Variants in ROR2 observed in about 807,000 individuals in gnomAD.
ROR2 encodes tyrosine-protein kinase transmembrane receptor ROR2.
In ROR2, 33 loss-of-function variants were observed where a neutral mutation model predicts 74.9. The observed-to-expected ratio is 0.44, with a 90% CI of 0.33 to 0.59. The LOEUF is 0.59. ROR2 is among the 20% of genes least tolerant of loss of function. The probability of loss-of-function intolerance (pLI) is 0.02; values close to 1 mark genes in which losing one functional copy is unlikely to be tolerated. For synonymous variants in ROR2, 586 were observed against 558.7 expected (o/e 1.05, Z -0.69); for missense variants, 1,216 against 1,313.8 (o/e 0.93, Z 1.15).
At position 91,905,631 on chromosome 9, in the gene ROR2, CACAT is replaced by C. The variant is rs762047862; in HGVS notation, c.97+44232_97+44235del. On this transcript the variant is annotated intron_variant, in intron 1 of 8. Coordinates refer to ENST00000375708, the MANE Select transcript of ROR2 (RefSeq NM_004560.4). This position sits in a 1 kb window ranked among gnomAD's most constrained non-coding sequence, Gnocchi z 5.3. ...AACACATATACAGATGCCCCCAACACACATAAACACACATAACACACACGTACAC... is the reference window on the plus strand; with the variant it reads ...AACACATATACAGATGCCCCCAACACAAACACACATAACACACACGTACAC... 2.5e-4 allele frequency among the ~76,000 whole-genome samples: 38 copies of C among 151,986 alleles called. No individual in the cohort carries two copies. Among genetic ancestry groups the C allele is most frequent in the Non-Finnish European group, 4.1e-4 (28 of 67,990 alleles).
At chr9:91,852,310 T>C (rs1025276267) in intron 1 of ROR2, among the ~76,000 whole-genome samples, 2 of 152,208 alleles carry the variant, frequency 1.3e-5, no homozygotes, top group Admixed American at 6.5e-5. Flanking sequence ...TTTTACAAAA[T>C]GTATACTTAC....
At chr9:91,778,460 G>C (rs1826497633) in intron 1 of ROR2, among the ~76,000 whole-genome samples, 1 of 152,184 alleles carries the variant, frequency 6.6e-6, no homozygotes, top group African/African-American at 2.4e-5. Context: ...CCTGGTGCAG[G>C]CACCCTTGCA....
chr9:91,877,008 G>T (rs1210425464), intron 1 of ROR2, among the ~76,000 whole-genome samples: 1 of 152,078 alleles, frequency 6.6e-6, no homozygotes, highest in African/African-American at 2.4e-5. Context: ...AGGGTACACA[G>T]AAGATCCCAA....
chr9:91,859,197 C>CTTTT (rs541283275), intron 1 of ROR2, among the ~76,000 whole-genome samples: 1,507 of 121,196 alleles, frequency 0.012, 56 homozygotes, highest in African/African-American at 0.036. Context: ...GAAAGTATTC[C>CTTTT]TTTTTTTTTT....
At chr9:91,829,487 T>C (rs576068346) in intron 1 of ROR2, among the ~76,000 whole-genome samples, 1 of 139,030 alleles carries the variant, frequency 7.2e-6, no homozygotes, top group African/African-American at 2.8e-5. Context: ...AAGGCGGAGG[T>C]TGCAGTGAGC....
chr9:91,809,174 A>T (rs777329391), intron 1 of ROR2, among the ~76,000 whole-genome samples: 7 of 152,200 alleles, frequency 4.6e-5, no homozygotes, highest in Non-Finnish European at 8.8e-5. Flanking sequence ...AATAGTCTAC[A>T]ATGTCACTCC....
intron 1 of ROR2, among the ~76,000 whole-genome samples, chr9:91,793,915 G>C (rs184212913): frequency 7.3e-4 from 111 of 152,314 alleles, no homozygotes; most frequent in African/African-American, 2.3e-3. Context: ...GCTGGGAGTC[G>C]GATACCTATA....
chr9:91,726,491 G>A, intron 8 of ROR2, 50 bp downstream of exon 8: 4 of 1,514,486 alleles, frequency 2.6e-6, no homozygotes, highest in Non-Finnish European at 3.7e-6. Context: ...CAACCCCTGA[G>A]GATTAAACCT....
intron 1 of ROR2, among the ~76,000 whole-genome samples, chr9:91,839,251 G>GTGTGT (rs1828705225): frequency 2.9e-4 from 31 of 107,698 alleles, no homozygotes; most frequent in Non-Finnish European, 4.8e-4. Context: ...TCAGATCGGG[G>GTGTGT]GTGTGTGTGT....
chr9:91,758,639 G>A (rs7872615), intron 2 of ROR2, among the ~76,000 whole-genome samples: 14,773 of 152,200 alleles, frequency 0.097, 818 homozygotes, highest in Middle Eastern at 0.14. Flanking sequence ...GGAGTGAGTG[G>A]GCTGCTCCTA....
At chr9:91,918,159 T>C (rs1481010908) in intron 1 of ROR2, among the ~76,000 whole-genome samples, 1 of 151,692 alleles carries the variant, frequency 6.6e-6, no homozygotes, top group Non-Finnish European at 1.5e-5. Context: ...TCCCAGCTAC[T>C]TGGGAGGCTG....
chr9:91,928,714 T>C (rs1831473168), intron 1 of ROR2, among the ~76,000 whole-genome samples: 1 of 152,156 alleles, frequency 6.6e-6, no homozygotes, highest in East Asian at 1.9e-4. Context: ...CTAAATGACA[T>C]AATTCATCTA....
intron 1 of ROR2, among the ~76,000 whole-genome samples, chr9:91,844,818 C>T (rs545773319): frequency 4.6e-5 from 7 of 152,256 alleles, no homozygotes; most frequent in African/African-American, 9.6e-5. Context: ...TACTCCCCCA[C>T]GGTATACAGA....
chr9:91,945,048 C>G (rs1436975859), intron 1 of ROR2, among the ~76,000 whole-genome samples: 1 of 151,752 alleles, frequency 6.6e-6, no homozygotes, highest in Non-Finnish European at 1.5e-5. Flanking sequence ...CCACTGCACT[C>G]CAGCCTGGGT....
intron 1 of ROR2, among the ~76,000 whole-genome samples, chr9:91,845,877 C>CAAAAAAAAAAAAAAAAAAAAAAAAAA (rs5899143): frequency 5.9e-5 from 2 of 33,874 alleles, no homozygotes; most frequent in African/African-American, 7.3e-5. Flanking sequence ...GAATCCATCT[C>CAAAAAAAAAAAAAAAAAAAAAAAAAA]AAAAAAAAAA....
At position 91,836,539 on chromosome 9, in the gene ROR2, C is replaced by CAAAAAAAAAAAAAAAAAAAAAAA. The variant is rs753563302; in HGVS notation, c.98-60722_98-60721insTTTTTTTTTTTTTTTTTTTTTTT. ...TGGAAGACAGAGTGAGATTCCATCT[C>CAAAAAAAAAAAAAAAAAAAAAAA]AAAAAAAAAAAAAAACAGTCTGCAG... On this transcript the variant is annotated intron_variant, in intron 1 of 8. Coordinates refer to ENST00000375708, the MANE Select transcript of ROR2 (RefSeq NM_004560.4). 1.8e-3 allele frequency among the ~76,000 whole-genome samples: 188 copies of CAAAAAAAAAAAAAAAAAAAAAAA among 102,408 alleles called. 3 individuals are homozygous for CAAAAAAAAAAAAAAAAAAAAAAA. Among genetic ancestry groups the CAAAAAAAAAAAAAAAAAAAAAAA allele is most frequent in the African/African-American group, 5.9e-3 (180 of 30,258 alleles). 67.2% of individuals were successfully genotyped at this position (102,408 alleles called of 152,430 possible).
At chr9:91,889,610 C>A (rs1830375796) in intron 1 of ROR2, among the ~76,000 whole-genome samples, 1 of 152,190 alleles carries the variant, frequency 6.6e-6, no homozygotes, top group African/African-American at 2.4e-5. Context: ...ACGGTCCCTT[C>A]CATCTGAAGC....
intron 1 of ROR2, among the ~76,000 whole-genome samples, chr9:91,884,783 T>TGAC (rs1830225258): frequency 6.6e-6 from 1 of 152,098 alleles, no homozygotes; most frequent in Non-Finnish European, 1.5e-5. Flanking sequence ...AGTCTTTTTT[T>TGAC]TTTCTAAATG....
At chr9:91,885,868 C>CTTTTTTT (rs542499117) in intron 1 of ROR2, among the ~76,000 whole-genome samples, 3 of 108,156 alleles carry the variant, frequency 2.8e-5, no homozygotes, top group Admixed American at 1.1e-4. Context: ...GTATGGTTTC[C>CTTTTTTT]TTTTTTTTTT....
Sources: gnomAD v4.1 joint callset for allele counts (sites outside exome capture counted in the v4.1 genomes callset) on GRCh38, gnomAD v4.1.1 for gene constraint, Gnocchi (gnomAD v3.1) non-coding constraint, MANE v1.5 for transcripts, NCBI Gene and HGNC (gene_info 2026-07-23, HGNC 2026-07-21) for gene names.